The following ADAMTSL1 variants were observed in gnomAD, a reference collection of about 807,000 sequenced individuals.
ADAMTSL1 encodes the protein ADAMTS-like protein 1.
Under a neutral mutation model 201.8 loss-of-function variants are expected in ADAMTSL1, and 126 were observed. That is an observed-to-expected ratio of 0.62 (90% CI 0.54 to 0.72). The LOEUF (loss-of-function observed/expected upper bound fraction) is 0.72, where lower values mean the gene tolerates loss of function less well. Among genes scored for constraint, ADAMTSL1 ranks in the 30% least tolerant of loss-of-function variants. ADAMTSL1 has a pLI of 0.00. For missense variants in ADAMTSL1, 2,679 were observed against 2,277.8 expected, an observed-to-expected ratio of 1.18 and a Z score of -3.59; for synonymous variants, 1,121 against 903.4, an observed-to-expected ratio of 1.24 and a Z score of -4.32.
intron 2 of ADAMTSL1, among the ~76,000 whole-genome samples, chr9:18,279,856 G>T (rs1465889018): frequency 6.6e-6 from 1 of 151,972 alleles, no homozygotes; most frequent in Admixed American, 6.6e-5. Flanking sequence ...GTCTGTGGGT[G>T]TTAGCCTGGA....
intron 3 of ADAMTSL1, among the ~76,000 whole-genome samples, chr9:18,571,137 G>C (rs1359306847): frequency 6.6e-6 from 1 of 152,162 alleles, no homozygotes; most frequent in East Asian, 1.9e-4. Context: ...GGAATCATAG[G>C]AGACTCTGTA....
intron 2 of ADAMTSL1, among the ~76,000 whole-genome samples, chr9:18,253,588 G>C (rs530568662): frequency 3.8e-4 from 58 of 152,258 alleles, no homozygotes; most frequent in African/African-American, 1.4e-3. Flanking sequence ...TAAGTGACCT[G>C]GGTTGTATAT....
intron 1 of ADAMTSL1, among the ~76,000 whole-genome samples, chr9:17,995,586 A>C (rs1819340759): frequency 6.6e-6 from 1 of 152,106 alleles, no homozygotes; most frequent in Admixed American, 6.6e-5. Context: ...ATTTTAATTT[A>C]CTTCAGCTTT....
At chr9:18,154,781 G>A (rs1453675862) in intron 1 of ADAMTSL1, among the ~76,000 whole-genome samples, 1 of 152,052 alleles carries the variant, frequency 6.6e-6, no homozygotes, top group African/African-American at 2.4e-5. Context: ...ACAGAAATGG[G>A]TGGGAAGAAA....
chr9:18,317,918 G>T (rs1221599346), intron 2 of ADAMTSL1, among the ~76,000 whole-genome samples: 1 of 152,168 alleles, frequency 6.6e-6, no homozygotes, highest in East Asian at 1.9e-4. Flanking sequence ...TAAGAAGTAA[G>T]CAGAACTGTT....
At chr9:18,415,796 C>T (rs1263135678) in intron 2 of ADAMTSL1, among the ~76,000 whole-genome samples, 1 of 151,882 alleles carries the variant, frequency 6.6e-6, no homozygotes, top group Non-Finnish European at 1.5e-5. Context: ...ATCTTAAATG[C>T]AGCCAGAGGA....
intron 15 of ADAMTSL1, among the ~76,000 whole-genome samples, chr9:18,734,231 G>A (rs907353405): frequency 6.6e-5 from 10 of 152,146 alleles, no homozygotes; most frequent in Non-Finnish European, 1.5e-4. Context: ...GATTAGTTTT[G>A]GGTTTTGTAG....
At chr9:18,241,509 C>T (rs905783313) in intron 2 of ADAMTSL1, among the ~76,000 whole-genome samples, 2 of 151,994 alleles carry the variant, frequency 1.3e-5, no homozygotes, top group Non-Finnish European at 2.9e-5. Context: ...TTCTCAAGCT[C>T]TGAGTAGACT....
chr9:18,362,932 C>G (rs545974525), intron 2 of ADAMTSL1, among the ~76,000 whole-genome samples: 1 of 152,250 alleles, frequency 6.6e-6, no homozygotes, highest in South Asian at 2.1e-4. Context: ...AGGAAAATAA[C>G]CCAGATAAGC....
chr9:18,465,812 G>A (rs1269843631), intron 2 of ADAMTSL1, among the ~76,000 whole-genome samples: 2 of 152,118 alleles, frequency 1.3e-5, no homozygotes, highest in African/African-American at 4.8e-5. Context: ...GCAGTGGCAC[G>A]ATCTTGGCTC....
chr9:18,514,333 T>C (rs1466927226), intron 2 of ADAMTSL1, among the ~76,000 whole-genome samples: 3 of 138,058 alleles, frequency 2.2e-5, no homozygotes, highest in South Asian at 2.2e-4. Context: ...CTTTCTTTTT[T>C]TTTTTTTTTT....
At chr9:18,795,230 G>C (rs1291655346) in intron 19 of ADAMTSL1, among the ~76,000 whole-genome samples, 167 bp from the exon 20 acceptor site, 1 of 152,200 alleles carries the variant, frequency 6.6e-6, no homozygotes, top group African/African-American at 2.4e-5. Flanking sequence ...ATTAATCAAA[G>C]AGGCAAGAGA....
At chr9:18,259,850 T>G (rs1831847486) in intron 2 of ADAMTSL1, among the ~76,000 whole-genome samples, 1 of 152,148 alleles carries the variant, frequency 6.6e-6, no homozygotes, top group African/African-American at 2.4e-5. Context: ...GTTAAAAAAA[T>G]AAAAAGGGAA....
intron 7 of ADAMTSL1, among the ~76,000 whole-genome samples, chr9:18,651,734 CAGTT>C (rs888256570): frequency 2.8e-4 from 43 of 152,106 alleles, no homozygotes; most frequent in African/African-American, 9.7e-4. Flanking sequence ...CTGCTTGCAT[CAGTT>C]AGAGTATTAG....
intron 1 of ADAMTSL1, among the ~76,000 whole-genome samples, chr9:18,498,804 A>G (rs75914509): frequency 0.037 from 5,594 of 152,298 alleles, 340 homozygotes; most frequent in African/African-American, 0.13. Flanking sequence ...TCTTATTTGT[A>G]AAATAAGGAA....
rs1046771453 is a variant in ADAMTSL1 at position 18,622,103 on chromosome 9, G to A, written c.475-140G>A. 7 of 1,074,418 alleles carry A rather than the reference G, an allele frequency of 6.5e-6. No homozygotes were observed. In the African/African-American group the frequency reaches 9.6e-5, roughly 15 times the overall value. 66.6% of individuals were successfully genotyped at this position (1,074,418 alleles called of 1,614,324 possible). ...CTTTCTTAGCTTGATTTAAATTCCA[G>A]TTGAATTCAGTCCCCTTCACGGGGT... On this transcript the variant is annotated intron_variant, in intron 4 of 28. Coordinates refer to ENST00000380548, the MANE Select transcript of ADAMTSL1 (RefSeq NM_001040272.6).
At chr9:18,413,009 T>TAAAA (rs142224594) in intron 2 of ADAMTSL1, among the ~76,000 whole-genome samples, 2 of 152,306 alleles carry the variant, frequency 1.3e-5, no homozygotes, top group East Asian at 3.9e-4. Context: ...CGTTTTTTGT[T>TAAAA]ACCAAGTTTT....
At chr9:18,516,724 G>A (rs1818383909) in intron 2 of ADAMTSL1, among the ~76,000 whole-genome samples, 1 of 152,192 alleles carries the variant, frequency 6.6e-6, no homozygotes, top group Admixed American at 6.5e-5. Context: ...GCCTGGAACA[G>A]AACAAGTGTT....
chr9:17,949,341 G>A (rs189902099), intron 1 of ADAMTSL1, among the ~76,000 whole-genome samples: 1 of 152,232 alleles, frequency 6.6e-6, no homozygotes, highest in African/African-American at 2.4e-5. Flanking sequence ...TGAAGGGCTT[G>A]CCTTGTAAGT....
Sources: gnomAD v4.1 joint callset for allele counts (sites outside exome capture counted in the v4.1 genomes callset) on GRCh38, gnomAD v4.1.1 for gene constraint, MANE v1.5 for transcripts, NCBI Gene and HGNC (gene_info 2026-07-23, HGNC 2026-07-21) for gene names.